Variants in TIAM1 observed in about 807,000 individuals in gnomAD.
TIAM1 encodes TIAM Rac1 associated GEF 1, also known as rho guanine nucleotide exchange factor TIAM1.
A neutral mutation model predicts 163.5 loss-of-function variants in TIAM1; 65 were observed. The ratio of observed to expected loss-of-function variants is 0.40; its 90% CI spans 0.33 to 0.49. The LOEUF (loss-of-function observed/expected upper bound fraction) is 0.49. TIAM1 is among the 20% of genes least tolerant of loss of function. TIAM1 has a pLI of 0.77. For synonymous variants in TIAM1, 833 were observed against 810.1 expected, an observed-to-expected ratio of 1.03 and a Z score of -0.48; for missense variants, 1,789 against 2,044.7, an observed-to-expected ratio of 0.87 and a Z score of 2.41.
chr21:31,213,966 A>G (rs748424366), intron 9 of TIAM1, among the ~76,000 whole-genome samples: 5 of 151,900 alleles, frequency 3.3e-5, no homozygotes, highest in Admixed American at 6.6e-5. Context: ...GAGGATCACA[A>G]GATCACATCA....
At chr21:31,403,659 C>T (rs538547122) in intron 2 of TIAM1, among the ~76,000 whole-genome samples, 241 of 152,250 alleles carry the variant, frequency 1.6e-3, no homozygotes, top group Admixed American at 2.6e-3. Context: ...ATACACATAA[C>T]ATACAAACAG....
rs1372482212 is a variant in TIAM1, at chr21:31,118,533, CAT to C, written c.*1833_*1834del. 1 of 462,102 alleles carries C rather than the reference CAT, an allele frequency of 2.2e-6. No individual in the cohort carries two copies. Among genetic ancestry groups the C allele is most frequent in the Non-Finnish European group, 4.4e-6 (1 of 225,084 alleles). The allele number at this position is 462,102 out of a possible 1,614,324, so 28.6% of individuals were successfully genotyped here. On this transcript the variant is annotated 3_prime_UTR_variant, in exon 28 of 28. Coordinates refer to ENST00000541036, the MANE Select transcript of TIAM1 (RefSeq NM_001353694.2). ...AAAAGAAATATATAAGAACTTTTGACATAGACACGTCATGACCTTATGTACAA... is the reference window on the plus strand; with the variant it reads ...AAAAGAAATATATAAGAACTTTTGACAGACACGTCATGACCTTATGTACAA...
At chr21:31,215,436 C>T (rs2087127309) in intron 9 of TIAM1, among the ~76,000 whole-genome samples, 1 of 152,028 alleles carries the variant, frequency 6.6e-6, no homozygotes, top group South Asian at 2.1e-4. Flanking sequence ...TGGCAGGCGC[C>T]TGTAATCCCA....
intron 2 of TIAM1, among the ~76,000 whole-genome samples, chr21:31,396,602 ATATCAATTATAT>A (rs2077074594): frequency 6.7e-6 from 1 of 148,642 alleles, no homozygotes; most frequent in African/African-American, 2.4e-5. Flanking sequence ...ATATTATATA[ATATCAATTATAT>A]TATCAATTAT....
chr21:31,314,705 G>A (rs971882485), intron 2 of TIAM1, among the ~76,000 whole-genome samples: 2 of 152,038 alleles, frequency 1.3e-5, no homozygotes, highest in African/African-American at 2.4e-5. Flanking sequence ...CTACCCAGAC[G>A]GAAATTACAA....
At chr21:31,384,959 C>T (rs1376457838) in intron 2 of TIAM1, among the ~76,000 whole-genome samples, 1 of 152,192 alleles carries the variant, frequency 6.6e-6, no homozygotes, top group East Asian at 1.9e-4. Context: ...GATTTGAATG[C>T]TGTCCCCTCT....
At chr21:31,150,490 G>A (rs892831623) in intron 19 of TIAM1, among the ~76,000 whole-genome samples, 2 of 152,106 alleles carry the variant, frequency 1.3e-5, no homozygotes, top group East Asian at 3.9e-4. Context: ...TCAAACGACA[G>A]CCATTGCAAC....
intron 25 of TIAM1, among the ~76,000 whole-genome samples, chr21:31,128,281 G>A (rs1428174517): frequency 6.6e-6 from 1 of 152,064 alleles, no homozygotes; most frequent in Non-Finnish European, 1.5e-5. Context: ...CCACTAGAGT[G>A]GATTTCATAA....
Position 31,217,600 on chromosome 21 carries a change from G to T in TIAM1, c.2095C>A (p.Leu699Met). The T allele has an allele frequency of 6.2e-7, 1 of 1,614,090 alleles. No individual in the cohort carries two copies. The highest frequency in any genetic ancestry group is 1.7e-5 in the Admixed American group (1 of 60,006). ...TGCTTCTTTTTGGAGGTAGTATCCA[G>T]ACCCCACAGAGAAGAAAACCTGCTC... ...RRSRFSSLWG[L>M]DTTSKKKQGR... Residue 699 changes from leucine (L) to methionine (M), a missense_variant, in exon 9 of 28, where the codon CTG (leucine) becomes ATG (methionine). Coordinates refer to ENST00000541036, the MANE Select transcript of TIAM1 (RefSeq NM_001353694.2).
chr21:31,225,643 G>A lies in TIAM1; in HGVS notation c.1809+83C>T, dbSNP rs537382232. On this transcript the variant is annotated intron_variant, in intron 7 of 27. Transcript: ENST00000541036. ...GAGGAGATATCCGATGATGTTTCAC[G>A]ATTCCAAAACAGCAAAAAAAAAAAA... 2.7e-4 allele frequency: 313 copies of A among 1,167,424 alleles called. 1 individual carries two copies. In the African/African-American group the frequency reaches 3.0e-3, roughly 11 times the overall value. The allele number at this position is 1,167,424 out of a possible 1,614,324, so 72.3% of individuals were successfully genotyped here.
chr21:31,295,287 G>A (rs193139136), intron 2 of TIAM1, among the ~76,000 whole-genome samples: 54 of 152,148 alleles, frequency 3.5e-4, no homozygotes, highest in East Asian at 1.2e-3. Context: ...CGGCTAACAC[G>A]GTGAAACCCC....
At chr21:31,540,093 T>C (rs924174389) in intron 1 of TIAM1, among the ~76,000 whole-genome samples, 9 of 150,618 alleles carry the variant, frequency 6.0e-5, no homozygotes, top group African/African-American at 2.2e-4. Context: ...CAATAAAAGG[T>C]AGGAAGTACA....
intron 1 of TIAM1, among the ~76,000 whole-genome samples, chr21:31,552,118 C>T (rs1190929104): frequency 7.9e-6 from 1 of 127,374 alleles, no homozygotes; most frequent in Non-Finnish European, 1.5e-5. Context: ...AGTGCAGTGG[C>T]GTGATCTCGG....
chr21:31,515,864 T>G (rs1195945426), intron 1 of TIAM1, among the ~76,000 whole-genome samples: 1 of 150,812 alleles, frequency 6.6e-6, no homozygotes, highest in Non-Finnish European at 1.5e-5. Context: ...TCCCAGAACT[T>G]TGAGAGGCCA....
rs118162971 is a variant in TIAM1, at chr21:31,505,729, C to T, written c.-421-41694G>A. ...TTAAAAGCTGATGCCAGGCCGGGCACGGCATCAGATTTTTTTTGTAATCCT... is the reference window on the plus strand; with the variant it reads ...TTAAAAGCTGATGCCAGGCCGGGCATGGCATCAGATTTTTTTTGTAATCCT... On this transcript the variant is annotated intron_variant, in intron 1 of 28. Coordinates refer to the TIAM1 transcript ENST00000286827. 9.1e-3 allele frequency among the ~76,000 whole-genome samples: 1,392 copies of T among 152,202 alleles called. 13 individuals are homozygous for T. The highest frequency in any genetic ancestry group is 0.017 in the Middle Eastern group (5 of 294).
intron 2 of TIAM1, among the ~76,000 whole-genome samples, chr21:31,413,724 C>T (rs567688215): frequency 1.3e-5 from 2 of 152,304 alleles, no homozygotes; most frequent in Admixed American, 1.3e-4. Context: ...GGCCCCTCAT[C>T]ACAGATATGC....
At chr21:31,327,125 G>A (rs1433573241) in intron 2 of TIAM1, among the ~76,000 whole-genome samples, 1 of 152,182 alleles carries the variant, frequency 6.6e-6, no homozygotes, top group Non-Finnish European at 1.5e-5. Flanking sequence ...AGTGATCAAT[G>A]GAAAAGACGG....
chr21:31,338,735 C>T (rs920550254), intron 2 of TIAM1, among the ~76,000 whole-genome samples: 35 of 152,172 alleles, frequency 2.3e-4, no homozygotes, highest in Admixed American at 2.2e-3. Context: ...AGCCCCAAGC[C>T]TGTCATGCAA....
At chr21:31,174,299 T>G (rs1230369260) in intron 15 of TIAM1, among the ~76,000 whole-genome samples, 1 of 152,240 alleles carries the variant, frequency 6.6e-6, no homozygotes, top group Non-Finnish European at 1.5e-5. Flanking sequence ...GCTCAGCACT[T>G]GGCAATTCCT....
Sources: gnomAD v4.1 joint callset for allele counts (sites outside exome capture counted in the v4.1 genomes callset) on GRCh38, gnomAD v4.1.1 for gene constraint, MANE v1.5 for transcripts, NCBI Gene and HGNC (gene_info 2026-07-23, HGNC 2026-07-21) for gene names.